Variants in WDR1 observed in about 807,000 individuals in gnomAD.
WDR1 encodes WD repeat-containing protein 1.
In WDR1, 21 loss-of-function variants were observed where a neutral mutation model predicts 71.9. That is an observed-to-expected ratio of 0.29 (90% CI 0.21 to 0.42). The LOEUF (loss-of-function observed/expected upper bound fraction) is 0.42. WDR1 is among the 10% of genes least tolerant of loss of function. The pLI, the probability that WDR1 is intolerant of heterozygous loss-of-function variation, is 1.00. For missense variants in WDR1, 696 were observed against 824.5 expected, an observed-to-expected ratio of 0.84 and a Z score of 1.91; for synonymous variants, 424 against 347.4, an observed-to-expected ratio of 1.22 and a Z score of -2.45.
rs764827695 is a variant in WDR1, at chr4:10,116,099, T to TA, written c.138+13dup. ...CTCCGGAGCAGAACCGCGCCCGGGG[T>TA]AGGGGGTACTCACGTCGATGTTCCT... is the stretch of plus-strand genomic sequence containing the variant. On this transcript the variant is annotated intron_variant, in intron 2 of 14. Coordinates refer to ENST00000499869, the MANE Select transcript of WDR1 (RefSeq NM_017491.5). 5 of 1,609,384 alleles carry TA rather than the reference T, an allele frequency of 3.1e-6. No individual in the cohort carries two copies. The highest frequency in any genetic ancestry group is 4.2e-6 in the Non-Finnish European group (5 of 1,177,664).
Position 10,079,425 on chromosome 4 carries a change from C to T in WDR1, c.1285-424G>A, listed in dbSNP as rs183475917. ...AGCCCCACAAGGCAGGGATCGGGTTCCCCGTTTCAGAGAAGAAAATGGGGT... is the reference window on the plus strand; with the variant it reads ...AGCCCCACAAGGCAGGGATCGGGTTTCCCGTTTCAGAGAAGAAAATGGGGT... On this transcript the variant is annotated intron_variant, in intron 11 of 14. Coordinates refer to ENST00000499869, the MANE Select transcript of WDR1 (RefSeq NM_017491.5). Among the ~76,000 whole-genome samples, 65 of 152,364 alleles carry T rather than the reference C, an allele frequency of 4.3e-4. No homozygotes were observed. The East Asian group carries it at 7.3e-3, about 17-fold the overall frequency.
chr4:10,116,284 C>A (rs1276520321), intron 1 of WDR1, 50 bp from the exon 2 acceptor site: 1 of 1,609,860 alleles, frequency 6.2e-7, no homozygotes, highest in Admixed American at 1.7e-5. Flanking sequence ...GCGGGGACGG[C>A]GGGGACAGAA....
intron 2 of WDR1, 100 bp downstream of exon 2, chr4:10,116,013 C>T: frequency 1.3e-6 from 2 of 1,490,640 alleles, no homozygotes; most frequent in Non-Finnish European, 1.8e-6. Context: ...TCACCCTCCC[C>T]GGGCCAATGG....
intron 4 of WDR1, 79 bp downstream of exon 4, chr4:10,098,913 A>T: frequency 6.3e-7 from 1 of 1,588,828 alleles, no homozygotes; most frequent in Non-Finnish European, 8.6e-7. Context: ...ACATCAGCGC[A>T]TCCCCCTCCC....
intron 9 of WDR1, among the ~76,000 whole-genome samples, chr4:10,083,876 G>A (rs1328656629): frequency 6.6e-6 from 1 of 152,212 alleles, no homozygotes; most frequent in Admixed American, 6.5e-5. Context: ...GGACTTATAA[G>A]GGGGACACAA....
chr4:10,078,890 C>G lies in WDR1; in HGVS notation c.1395+1G>C. On this transcript the variant is annotated splice_donor_variant, in intron 12 of 14. Coordinates refer to ENST00000499869, the MANE Select transcript of WDR1 (RefSeq NM_017491.5). LOFTEE classifies it high-confidence loss of function. ...GCACGGGGGAGAGGAAAGCGACTTA[C>G]CACACCCCCAATTGCCACCGTGTCC... 6.2e-7 allele frequency: 1 copy of G among 1,612,038 alleles called. No individual in the cohort carries two copies.
At chr4:10,085,508 G>C (rs912523247) in intron 8 of WDR1, among the ~76,000 whole-genome samples, 34 of 152,208 alleles carry the variant, frequency 2.2e-4, no homozygotes, top group African/African-American at 8.2e-4. Context: ...GTCCCTTACA[G>C]CGCGGACCTC....
In WDR1 at chr4:10,079,032, G is replaced by T. The variant is rs770375950; in HGVS notation, c.1285-31C>A. Reference sequence around the variant, plus strand: ...GCACACACAGGCAGCTGGTCAGGCGGTCCAGCCCTTCGGGACAAAACCCTC... The same window carrying T: ...GCACACACAGGCAGCTGGTCAGGCGTTCCAGCCCTTCGGGACAAAACCCTC... On this transcript the variant is annotated intron_variant, in intron 11 of 14. Coordinates refer to ENST00000499869, the MANE Select transcript of WDR1 (RefSeq NM_017491.5). The T allele has an allele frequency of 9.7e-6, 15 of 1,553,990 alleles. 1 individual carries two copies. The highest frequency in any genetic ancestry group is 1.7e-4 in the Middle Eastern group (1 of 5,822).
At chr4:10,097,261 G>T (rs1033461635) in intron 5 of WDR1, among the ~76,000 whole-genome samples, 1 of 152,252 alleles carries the variant, frequency 6.6e-6, no homozygotes, top group African/African-American at 2.4e-5. Flanking sequence ...TCTTCTAACC[G>T]TTTGTCACTT....
At chr4:10,087,497 T>C (rs2241479) in intron 8 of WDR1, among the ~76,000 whole-genome samples, 17,267 of 152,272 alleles carry the variant, frequency 0.11, 1,260 homozygotes, top group East Asian at 0.31. Flanking sequence ...CAAGGGGAAC[T>C]TGGCACCTGG....
At chr4:10,084,376 C>G in intron 9 of WDR1, 67 bp downstream of exon 9, 1 of 1,484,904 alleles carries the variant, frequency 6.7e-7, no homozygotes, top group African/African-American at 1.4e-5. Flanking sequence ...CCTCTGGCAT[C>G]ATGGGAACAG....
intron 2 of WDR1, 119 bp downstream of exon 2, chr4:10,115,994 G>T: frequency 7.2e-7 from 1 of 1,385,480 alleles, no homozygotes; most frequent in Non-Finnish European, 9.8e-7. Context: ...TAGAGGGGGC[G>T]TGGCGCCCTC....
At chr4:10,090,162 C>G (rs1317372477) in intron 5 of WDR1, among the ~76,000 whole-genome samples, 1 of 152,196 alleles carries the variant, frequency 6.6e-6, no homozygotes, top group Non-Finnish European at 1.5e-5. Flanking sequence ...AGACTTCTGA[C>G]TTCCAGAGAA....
At chr4:10,090,963 A>C (rs1711938669) in intron 5 of WDR1, among the ~76,000 whole-genome samples, 1 of 152,238 alleles carries the variant, frequency 6.6e-6, no homozygotes, top group South Asian at 2.1e-4. Context: ...CAGGGATGGA[A>C]GCACCAGGCT....
Position 10,081,406 on chromosome 4 carries a change from C to T in WDR1, c.1235G>A (p.Cys412Tyr), listed in dbSNP as rs1765009291. ...GVVKLDVQPKCVAVGPGGYAV... is the reference protein window; with the variant it reads ...GVVKLDVQPKYVAVGPGGYAV... ...GTATCCCCCGGGGCCGACGGCTACGCACTTTGGCTGAACGTCCAGTTTCAC... is the reference window on the plus strand; with the variant it reads ...GTATCCCCCGGGGCCGACGGCTACGTACTTTGGCTGAACGTCCAGTTTCAC... The change falls in exon 11 of 15, where the codon TGC (cysteine) becomes TAC (tyrosine). Residue 412 changes from cysteine (C) to tyrosine (Y), a missense_variant. Physicochemically the swap from Cys to Tyr is radical, Grantham distance 194 (BLOSUM62 -2). Coordinates refer to ENST00000499869, the MANE Select transcript of WDR1 (RefSeq NM_017491.5). 1 of 1,613,970 alleles carries T rather than the reference C, an allele frequency of 6.2e-7. No homozygotes were observed. Among genetic ancestry groups the T allele is most frequent in the Non-Finnish European group, 8.5e-7 (1 of 1,179,888 alleles).
At chr4:10,089,026 C>A (rs1033202492) in intron 5 of WDR1, among the ~76,000 whole-genome samples, 4 of 152,142 alleles carry the variant, frequency 2.6e-5, no homozygotes, top group African/African-American at 9.7e-5. Flanking sequence ...CAGTGAGGTG[C>A]CCCCAGCAGC....
In WDR1 at chr4:10,112,146, CCT is replaced by C. The variant is rs533599646; in HGVS notation, c.138+3965_138+3966del. On this transcript the variant is annotated intron_variant, in intron 2 of 14. Coordinates refer to ENST00000499869, the MANE Select transcript of WDR1 (RefSeq NM_017491.5). ...TTTTTATTGTAGGATGGTCCCGTGC[CCT>C]GTTTAGAATCACAAACAGGTTCGTT... 4.0e-3 allele frequency among the ~76,000 whole-genome samples: 609 copies of C among 152,138 alleles called. 3 individuals carry two copies. The highest frequency in any genetic ancestry group is 5.5e-3 in the Non-Finnish European group (374 of 68,008).
chr4:10,095,177 CT>C, intron 5 of WDR1, among the ~76,000 whole-genome samples: 1 of 152,382 alleles, frequency 6.6e-6, no homozygotes, highest in South Asian at 2.1e-4. Flanking sequence ...CCACCAAGGC[CT>C]GAGCGCTGGT....
rs1280260392 is a variant in WDR1 at position 10,102,676 on chromosome 4, C to G, written c.229+1220G>C. Among the ~76,000 whole-genome samples the G allele has an allele frequency of 1.3e-5, 2 of 152,192 alleles. 1 individual carries two copies. The highest frequency in any genetic ancestry group is 1.3e-4 in the Admixed American group (2 of 15,290). ...AAAGCAGAGTAAGACAGAGCCGAAC[C>G]CAGGTCTTCCCCAACCCCAAGGCCT... is the stretch of plus-strand genomic sequence containing the variant. On this transcript the variant is annotated intron_variant, in intron 3 of 14. Transcript: ENST00000499869.
Sources: allele counts gnomAD v4.1 joint callset (sites outside exome capture counted in the v4.1 genomes callset), GRCh38; gene constraint gnomAD v4.1.1; transcripts MANE v1.5; gene names NCBI Gene and HGNC (gene_info 2026-07-23, HGNC 2026-07-21).